TMEM108: variants seen among roughly 807,000 people sequenced by gnomAD.
TMEM108 encodes transmembrane protein 108.
In TMEM108, 12 loss-of-function variants were observed where a neutral mutation model predicts 35.1. The observed-to-expected ratio is 0.34, with a 90% CI of 0.22 to 0.55. TMEM108 has a LOEUF of 0.55. Among genes scored for constraint, TMEM108 ranks in the 20% least tolerant of loss-of-function variants. TMEM108 has a pLI of 0.89. For synonymous variants in TMEM108, 287 were observed against 308.6 expected (o/e 0.93, Z 0.73); for missense variants, 680 against 753.3 (o/e 0.90, Z 1.14).
intron 3 of TMEM108, among the ~76,000 whole-genome samples, chr3:133,291,857 A>G (rs969719131): frequency 6.6e-6 from 1 of 152,020 alleles, no homozygotes; most frequent in Admixed American, 6.5e-5. Flanking sequence ...CAAAGTACAG[A>G]CATACACGAT....
At chr3:133,118,698 C>G (rs1239103958) in intron 2 of TMEM108, among the ~76,000 whole-genome samples, 1 of 152,170 alleles carries the variant, frequency 6.6e-6, no homozygotes, top group Non-Finnish European at 1.5e-5. Context: ...CTACTAAGTC[C>G]TTTGTGAAAT....
intron 2 of TMEM108, among the ~76,000 whole-genome samples, chr3:133,225,694 T>TAA (rs74556637): frequency 0.03 from 4,561 of 150,504 alleles, 240 homozygotes; most frequent in African/African-American, 0.1. Flanking sequence ...TGGAGGGGGG[T>TAA]AAAAAAAAAG....
chr3:133,164,334 G>A (rs565103423), intron 2 of TMEM108, among the ~76,000 whole-genome samples: 12 of 152,178 alleles, frequency 7.9e-5, no homozygotes, highest in East Asian at 3.9e-4. Flanking sequence ...AACACACACC[G>A]ATGCTTTAAC....
intron 2 of TMEM108, among the ~76,000 whole-genome samples, chr3:133,152,596 T>C (rs958323906): frequency 1.3e-5 from 2 of 152,152 alleles, no homozygotes; most frequent in Non-Finnish European, 2.9e-5. Flanking sequence ...GATTTCTGTT[T>C]CACAGATAAG....
rs142127418 is a variant in TMEM108, at chr3:133,142,348, G to T, written c.-46-86918G>T. Reference sequence around the variant, plus strand: ...TATGAGACTAGCTACGGACAGGAAGGGTGCTGAGGAGCCAGGGATAGAAAC... The same window carrying T: ...TATGAGACTAGCTACGGACAGGAAGTGTGCTGAGGAGCCAGGGATAGAAAC... On this transcript the variant is annotated intron_variant, in intron 2 of 5. Coordinates refer to ENST00000321871, the MANE Select transcript of TMEM108 (RefSeq NM_023943.4). Among the ~76,000 whole-genome samples, 50 of 152,278 alleles carry T rather than the reference G, an allele frequency of 3.3e-4. No homozygotes were observed. The East Asian group carries it at 8.1e-3, about 25-fold the overall frequency.
At chr3:133,158,721 A>G (rs1944918518) in intron 2 of TMEM108, among the ~76,000 whole-genome samples, 1 of 152,264 alleles carries the variant, frequency 6.6e-6, no homozygotes, top group Admixed American at 6.5e-5. Flanking sequence ...AGCACTGTCC[A>G]TCTTCCAGCA....
At chr3:133,281,579 AGGT>A (rs1418990721) in intron 3 of TMEM108, among the ~76,000 whole-genome samples, 1 of 152,224 alleles carries the variant, frequency 6.6e-6, no homozygotes, top group African/African-American at 2.4e-5. Context: ...TGATGAGCAG[AGGT>A]GGTACTTTGA....
chr3:133,046,805 CATATAA>C (rs1943344982), intron 2 of TMEM108, among the ~76,000 whole-genome samples: 2 of 151,910 alleles, frequency 1.3e-5, no homozygotes, highest in Admixed American at 1.3e-4. Flanking sequence ...AATTATGATT[CATATAA>C]ATATAAGAAA....
intron 3 of TMEM108, among the ~76,000 whole-genome samples, chr3:133,338,759 A>G (rs1411112458): frequency 6.6e-6 from 1 of 152,090 alleles, no homozygotes; most frequent in Non-Finnish European, 1.5e-5. Context: ...TTTTGAAGAC[A>G]TTGACAGCAC....
chr3:133,066,421 G>A (rs1029556289), intron 2 of TMEM108, among the ~76,000 whole-genome samples: 3 of 151,950 alleles, frequency 2.0e-5, no homozygotes, highest in African/African-American at 2.4e-5. Flanking sequence ...AAGAGTGTAA[G>A]CAATAGAAGA....
intron 2 of TMEM108, among the ~76,000 whole-genome samples, chr3:133,129,527 C>T (rs1013102279): frequency 6.6e-6 from 1 of 152,138 alleles, no homozygotes; most frequent in African/African-American, 2.4e-5. Context: ...GGCCAACTTT[C>T]AAGTGTTGGA....
At chr3:133,078,381 G>A (rs894901365) in intron 2 of TMEM108, among the ~76,000 whole-genome samples, 12 of 152,054 alleles carry the variant, frequency 7.9e-5, no homozygotes, top group African/African-American at 2.9e-4. Context: ...CAAACAACTA[G>A]GCGGTGTCTG....
intron 2 of TMEM108, among the ~76,000 whole-genome samples, chr3:133,161,415 C>T (rs1056098175): frequency 6.6e-6 from 1 of 152,178 alleles, no homozygotes; most frequent in African/African-American, 2.4e-5. Flanking sequence ...AGAAAATAAG[C>T]TCCATGAGGC....
intron 3 of TMEM108, among the ~76,000 whole-genome samples, chr3:133,232,444 C>T (rs1946167207): frequency 6.6e-6 from 1 of 152,160 alleles, no homozygotes; most frequent in Non-Finnish European, 1.5e-5. Context: ...CAGCTTGAGG[C>T]CCTTATCAGA....
intron 2 of TMEM108, among the ~76,000 whole-genome samples, chr3:133,154,627 C>G (rs561655774): frequency 1.3e-5 from 2 of 151,814 alleles, no homozygotes; most frequent in Non-Finnish European, 2.9e-5. Flanking sequence ...AACCAAACAC[C>G]GCATGTTCTC....
At chr3:133,076,578 G>A (rs1252865977) in intron 2 of TMEM108, among the ~76,000 whole-genome samples, 1 of 152,190 alleles carries the variant, frequency 6.6e-6, no homozygotes, top group Non-Finnish European at 1.5e-5. Context: ...GTAATAAAAA[G>A]TAAGCTACTC....
chr3:133,233,087 T>C (rs1348175790), intron 3 of TMEM108, among the ~76,000 whole-genome samples: 1 of 149,502 alleles, frequency 6.7e-6, no homozygotes, highest in Non-Finnish European at 1.5e-5. Context: ...ATGTGCACAA[T>C]GTGCAGGTTA....
chr3:133,310,308 A>C (rs2071108097), intron 3 of TMEM108, among the ~76,000 whole-genome samples: 3 of 152,108 alleles, frequency 2.0e-5, no homozygotes. Flanking sequence ...GGGTTGTTAA[A>C]GTCTCCCATT....
At chr3:133,117,048 G>GT (rs1449320315) in intron 2 of TMEM108, among the ~76,000 whole-genome samples, 1 of 152,212 alleles carries the variant, frequency 6.6e-6, no homozygotes, top group Non-Finnish European at 1.5e-5. Context: ...GGGATTACAG[G>GT]TATGAGCTGC....
Sources: allele counts gnomAD v4.1 joint callset (sites outside exome capture counted in the v4.1 genomes callset), GRCh38; gene constraint gnomAD v4.1.1; transcripts MANE v1.5; gene names NCBI Gene and HGNC (gene_info 2026-07-23, HGNC 2026-07-21).